Variants in CHCHD6 observed in about 807,000 individuals in gnomAD.
CHCHD6 encodes the protein coiled-coil-helix-coiled-coil-helix domain containing 6, also known as MICOS complex subunit MIC25.
CHCHD6 carries 28 observed loss-of-function variants against 32.3 expected under a neutral mutation model. The ratio of observed to expected loss-of-function variants is 0.87; its 90% CI spans 0.64 to 1.19. CHCHD6 has a LOEUF of 1.19. Ranked by LOEUF, CHCHD6 falls within the 50% of genes most tolerant of loss-of-function variation. The pLI is 0.00. For missense variants in CHCHD6, 333 were observed against 307.0 expected, an observed-to-expected ratio of 1.08 and a Z score of -0.63; for synonymous variants, 122 against 117.5, an observed-to-expected ratio of 1.04 and a Z score of -0.25.
chr3:126,765,121 C>G (rs1937314827), intron 4 of CHCHD6, among the ~76,000 whole-genome samples: 1 of 152,174 alleles, frequency 6.6e-6, no homozygotes, highest in Admixed American at 6.5e-5. Flanking sequence ...GTAACAATAG[C>G]AAATGCAAAC....
intron 4 of CHCHD6, among the ~76,000 whole-genome samples, chr3:126,805,440 T>G (rs565596803): frequency 4.1e-4 from 63 of 152,048 alleles, no homozygotes; most frequent in African/African-American, 1.5e-3. Flanking sequence ...ATGAGTGAAC[T>G]CCCATTCACA....
chr3:126,955,917 A>G (rs1369011228), intron 6 of CHCHD6, among the ~76,000 whole-genome samples: 2 of 152,182 alleles, frequency 1.3e-5, no homozygotes, highest in East Asian at 1.9e-4. Flanking sequence ...TGGGGATGAC[A>G]TGGACGAGAA....
chr3:126,866,562 G>T (rs1242547150), intron 5 of CHCHD6, among the ~76,000 whole-genome samples: 1 of 152,222 alleles, frequency 6.6e-6, no homozygotes, highest in African/African-American at 2.4e-5. Context: ...AGAATTTGCT[G>T]CCCAAAGGCC....
At chr3:126,796,668 G>A (rs1245279294) in intron 4 of CHCHD6, among the ~76,000 whole-genome samples, 1 of 152,140 alleles carries the variant, frequency 6.6e-6, no homozygotes, top group Non-Finnish European at 1.5e-5. Flanking sequence ...CCTGGGGTTA[G>A]GACTGTGTGT....
At chr3:126,789,355 G>A (rs1576417989) in intron 4 of CHCHD6, among the ~76,000 whole-genome samples, 1 of 151,748 alleles carries the variant, frequency 6.6e-6, no homozygotes, top group Admixed American at 6.6e-5. Flanking sequence ...GTGCAGAGCT[G>A]AGTTCAATTC....
chr3:126,954,028 G>T (rs2078751668), intron 6 of CHCHD6, among the ~76,000 whole-genome samples: 1 of 152,200 alleles, frequency 6.6e-6, no homozygotes, highest in Admixed American at 6.5e-5. Flanking sequence ...TTGCTTCAGA[G>T]AAAGCTTTTC....
intron 5 of CHCHD6, among the ~76,000 whole-genome samples, chr3:126,901,264 T>A (rs1008294616): frequency 2.0e-5 from 3 of 152,232 alleles, no homozygotes; most frequent in African/African-American, 7.2e-5. Context: ...CATAAACTGC[T>A]AATTTTCTGA....
intron 5 of CHCHD6, among the ~76,000 whole-genome samples, chr3:126,858,653 T>G (rs1448860017): frequency 1.3e-5 from 2 of 152,226 alleles, no homozygotes; most frequent in East Asian, 3.9e-4. Flanking sequence ...CCAGTAGGGA[T>G]AGGCTACTCG....
At chr3:126,920,712 C>T (rs1404963105) in intron 6 of CHCHD6, among the ~76,000 whole-genome samples, 2 of 152,208 alleles carry the variant, frequency 1.3e-5, no homozygotes, top group African/African-American at 2.4e-5. Flanking sequence ...TCCACAGGAG[C>T]GTTGCCTCCC....
At chr3:126,901,208 G>A (rs2077922408) in intron 5 of CHCHD6, among the ~76,000 whole-genome samples, 1 of 152,232 alleles carries the variant, frequency 6.6e-6, no homozygotes, top group South Asian at 2.1e-4. Flanking sequence ...TGAGAAATGT[G>A]TAACAGGAGA....
intron 5 of CHCHD6, among the ~76,000 whole-genome samples, chr3:126,883,997 G>T (rs145665555): frequency 6.6e-6 from 1 of 151,630 alleles, no homozygotes; most frequent in Non-Finnish European, 1.5e-5. Context: ...CATTTCTGTA[G>T]TTCAAGTCTT....
rs55691496 is a variant in CHCHD6, at chr3:126,798,001, C to T, written c.412-54646C>T. Among the ~76,000 whole-genome samples, 1,334 of 152,308 alleles carry T rather than the reference C, an allele frequency of 8.8e-3. 8 individuals carry two copies. Among genetic ancestry groups the T allele is most frequent in the Middle Eastern group, 0.014 (4 of 294 alleles). On this transcript the variant is annotated intron_variant, in intron 4 of 7. Coordinates refer to ENST00000290913, the MANE Select transcript of CHCHD6 (RefSeq NM_032343.3). ...TGCCGTTTCCTTCCCAGGCCTTGTG[C>T]TGTATGTGCTAATGTGCATTTCACC...
chr3:126,931,846 T>C (rs1377509938), intron 6 of CHCHD6, among the ~76,000 whole-genome samples: 1 of 152,190 alleles, frequency 6.6e-6, no homozygotes, highest in Non-Finnish European at 1.5e-5. Flanking sequence ...GGACAAACTG[T>C]TCACAACAGA....
chr3:126,906,591 G>T (rs1204696461), intron 5 of CHCHD6, among the ~76,000 whole-genome samples: 1 of 152,156 alleles, frequency 6.6e-6, no homozygotes, highest in East Asian at 1.9e-4. Flanking sequence ...CACATGATTC[G>T]GACTTCTGCC....
At chr3:126,778,818 A>G (rs1327188372) in intron 4 of CHCHD6, among the ~76,000 whole-genome samples, 1 of 152,100 alleles carries the variant, frequency 6.6e-6, no homozygotes, top group African/African-American at 2.4e-5. Context: ...TGGTGTAATC[A>G]TAGCTCACTG....
chr3:126,928,600 T>TTTTG (rs766844839), intron 6 of CHCHD6, among the ~76,000 whole-genome samples: 2 of 152,122 alleles, frequency 1.3e-5, no homozygotes, highest in Non-Finnish European at 2.9e-5. Flanking sequence ...TGGTCACTGG[T>TTTTG]TTTGTTTGTT....
intron 5 of CHCHD6, among the ~76,000 whole-genome samples, chr3:126,867,344 G>A (rs1178186966): frequency 6.6e-6 from 1 of 152,130 alleles, no homozygotes; most frequent in East Asian, 1.9e-4. Flanking sequence ...CACCATAGCT[G>A]GCAGCAGCTA....
intron 4 of CHCHD6, among the ~76,000 whole-genome samples, chr3:126,829,249 C>T (rs1940533982): frequency 6.6e-6 from 1 of 151,986 alleles, no homozygotes; most frequent in Non-Finnish European, 1.5e-5. Context: ...TGGGGAGTTC[C>T]CCCTCACTCT....
intron 4 of CHCHD6, among the ~76,000 whole-genome samples, chr3:126,794,214 C>T (rs1435026508): frequency 6.6e-6 from 1 of 151,620 alleles, no homozygotes; most frequent in Non-Finnish European, 1.5e-5. Context: ...TCCTCTAGGA[C>T]TGTAATGGTT....
Sources: allele counts gnomAD v4.1 joint callset (sites outside exome capture counted in the v4.1 genomes callset), GRCh38; gene constraint gnomAD v4.1.1; transcripts MANE v1.5; gene names NCBI Gene and HGNC (gene_info 2026-07-23, HGNC 2026-07-21).